Variants in NUS1 observed in about 807,000 individuals in gnomAD.
NUS1 encodes NUS1 dehydrodolichyl diphosphate synthase subunit, also known as dehydrodolichyl diphosphate synthase complex subunit NUS1.
For missense variants in NUS1, 292 were observed against 382.9 expected, an observed-to-expected ratio of 0.76 and a Z score of 1.98; for synonymous variants, 135 against 155.2, an observed-to-expected ratio of 0.87 and a Z score of 0.97.
chr6:117,687,735 A>G (rs1490633744), intron 1 of NUS1, among the ~76,000 whole-genome samples: 1 of 152,214 alleles, frequency 6.6e-6, no homozygotes, highest in East Asian at 1.9e-4. Flanking sequence ...TTTCTGTTCA[A>G]CAAGCATGGA....
Position 117,707,976 on chromosome 6 carries a change from A to G in NUS1, c.*961A>G, listed in dbSNP as rs1362344185. On this transcript the variant is annotated 3_prime_UTR_variant, in exon 5 of 5. Transcript: ENST00000368494. ...CAAAGTTCTTTTAAAAAATATTTCC[A>G]TCAACCATTTTTATTTAAAATAAAC... 4 of 152,170 alleles carry G rather than the reference A, an allele frequency of 2.6e-5. No homozygotes were observed. Among genetic ancestry groups the G allele is most frequent in the South Asian group, 4.1e-4 (2 of 4,828 alleles). The allele number at this position is 152,170 out of a possible 1,614,324, so 9.4% of individuals were successfully genotyped here.
chr6:117,697,367 C>T (rs917064233), intron 3 of NUS1, among the ~76,000 whole-genome samples: 9 of 151,706 alleles, frequency 5.9e-5, no homozygotes, highest in Non-Finnish European at 8.9e-5. Flanking sequence ...ATACAGTGGG[C>T]GGATGGATAA....
chr6:117,704,463 C>G (rs527810541), intron 4 of NUS1, among the ~76,000 whole-genome samples: 16 of 152,150 alleles, frequency 1.1e-4, no homozygotes, highest in Non-Finnish European at 2.2e-4. Context: ...CTCTCTATTG[C>G]ATCTATGCAA....
chr6:117,684,494 A>T (rs1773107794), intron 1 of NUS1, among the ~76,000 whole-genome samples: 1 of 151,918 alleles, frequency 6.6e-6, no homozygotes, highest in South Asian at 2.1e-4. Context: ...ATTGATCTCC[A>T]TTTTTCTATC....
At chr6:117,690,711 G>A (rs773778781) in intron 1 of NUS1, among the ~76,000 whole-genome samples, 10 of 151,998 alleles carry the variant, frequency 6.6e-5, no homozygotes, top group Non-Finnish European at 1.3e-4. Context: ...AATGTTATCG[G>A]CTGGGTGTGG....
intron 1 of NUS1, among the ~76,000 whole-genome samples, chr6:117,691,558 G>GAT (rs60775803): frequency 0.03 from 4,039 of 136,784 alleles, 115 homozygotes; most frequent in East Asian, 0.12. Context: ...CATAGATATA[G>GAT]ATATATATAT....
At chr6:117,686,852 A>ATGTGTGTG (rs56080181) in intron 1 of NUS1, among the ~76,000 whole-genome samples, 9 of 139,400 alleles carry the variant, frequency 6.5e-5, no homozygotes, top group East Asian at 4.2e-4. Context: ...TGAAGTGTGT[A>ATGTGTGTG]TGTGTGTGTG....
chr6:117,685,357 G>A (rs1773121634), intron 1 of NUS1, among the ~76,000 whole-genome samples: 1 of 151,688 alleles, frequency 6.6e-6, no homozygotes, highest in South Asian at 2.1e-4. Context: ...TGTCATAATG[G>A]CTATTTGATA....
rs868271796 is a variant in NUS1 at position 117,675,823 on chromosome 6, G to T, written c.153G>T (p.Pro51=). The change falls in exon 1 of 5, where the codon CCG becomes CCT. Residue 51 remains proline (P), a synonymous_variant. Transcript: ENST00000368494. ...CRAASAAVLA[P]LGFTLRKPPA... ...CCGCCTCTGCCGCGGTCCTAGCGCC[G>T]CTCGGCTTCACGCTCCGCAAGCCCC... 2.7e-5 allele frequency: 42 copies of T among 1,551,284 alleles called. No homozygotes were observed. In the Middle Eastern group the frequency reaches 9.1e-4, roughly 34 times the overall value.
At chr6:117,677,670 G>C (rs780014873) in intron 1 of NUS1, among the ~76,000 whole-genome samples, 1 of 152,182 alleles carries the variant, frequency 6.6e-6, no homozygotes, top group Non-Finnish European at 1.5e-5. Context: ...CCTGCAGCCC[G>C]CAAGGAACAT....
chr6:117,693,951 C>T (rs1773279383), intron 2 of NUS1, 80 bp from the exon 3 acceptor site: 2 of 1,484,572 alleles, frequency 1.3e-6, no homozygotes, highest in Non-Finnish European at 1.8e-6. Flanking sequence ...TTTGGTTTAA[C>T]CTTGTATTTC....
chr6:117,704,120 T>C (rs1773467879), intron 4 of NUS1, among the ~76,000 whole-genome samples: 8 of 152,074 alleles, frequency 5.3e-5, no homozygotes, highest in Admixed American at 5.2e-4. Flanking sequence ...AATCAAATAG[T>C]TCAGAGGTGT....
At chr6:117,687,512 G>A (rs777416449) in intron 1 of NUS1, among the ~76,000 whole-genome samples, 4 of 152,146 alleles carry the variant, frequency 2.6e-5, no homozygotes, top group African/African-American at 7.2e-5. Context: ...GAGGAGGAAT[G>A]GGGCACATCT....
Position 117,707,370 on chromosome 6 carries a change from C to T in NUS1, c.*355C>T, listed in dbSNP as rs1273609441. The stretch of plus-strand genomic sequence containing the variant: ...CCCTATTTTTGTGGGGAGAAGAGGG[C>T]CTGATTAGAACTGTTCTGGTTGTGT... On this transcript the variant is annotated 3_prime_UTR_variant, in exon 5 of 5. Transcript: ENST00000368494. The T allele has an allele frequency of 4.1e-6, 1 of 242,122 alleles. No homozygotes were observed. The highest frequency in any genetic ancestry group is 4.9e-5 in the Admixed American group (1 of 20,600). The allele number at this position is 242,122 out of a possible 1,614,324, so 15.0% of individuals were successfully genotyped here. A position where few individuals can be genotyped will look rare whatever the true frequency, so the allele number is the denominator to read the frequency against.
At position 117,709,247 on chromosome 6, in the gene NUS1, A is replaced by T. The variant is rs1773543181; in HGVS notation, c.*2232A>T. On this transcript the variant is annotated 3_prime_UTR_variant, in exon 5 of 5. Coordinates refer to ENST00000368494, the MANE Select transcript of NUS1 (RefSeq NM_138459.5). ...CTCCCAAGAAGAACTGGTAATTTTA[A>T]ACAAAAGTATGTGTCTTTATTTGTA... The T allele has an allele frequency of 6.6e-6, 1 of 151,592 alleles. No homozygotes were observed. Among genetic ancestry groups the T allele is most frequent in the Non-Finnish European group, 1.5e-5 (1 of 67,840 alleles). The allele number at this position is 151,592 out of a possible 1,614,324, so 9.4% of individuals were successfully genotyped here.
intron 1 of NUS1, among the ~76,000 whole-genome samples, chr6:117,689,579 T>A (rs1394080593): frequency 6.6e-6 from 1 of 152,130 alleles, no homozygotes; most frequent in Non-Finnish European, 1.5e-5. Context: ...TTGTCTGTTT[T>A]AAAGAAAGAG....
chr6:117,685,384 CTT>C (rs959779074), intron 1 of NUS1, among the ~76,000 whole-genome samples: 2 of 144,244 alleles, frequency 1.4e-5, no homozygotes, highest in African/African-American at 2.5e-5. Flanking sequence ...TTCTTTCTTT[CTT>C]TTTTTTTTTA....
intron 1 of NUS1, among the ~76,000 whole-genome samples, chr6:117,690,252 T>G (rs1562178047): frequency 6.6e-6 from 1 of 152,202 alleles, no homozygotes; most frequent in African/African-American, 2.4e-5. Flanking sequence ...TTTCCACGCT[T>G]AGAGTCTTAT....
chr6:117,687,223 T>C (rs1773153912), intron 1 of NUS1, among the ~76,000 whole-genome samples: 1 of 152,222 alleles, frequency 6.6e-6, no homozygotes, highest in African/African-American at 2.4e-5. Context: ...TATTGTGGGA[T>C]GTTCCTGGAA....
Sources: gnomAD v4.1 joint callset for allele counts (sites outside exome capture counted in the v4.1 genomes callset) on GRCh38, gnomAD v4.1.1 for gene constraint, MANE v1.5 for transcripts, NCBI Gene and HGNC (gene_info 2026-07-23, HGNC 2026-07-21) for gene names.